The following HMGB1 variants were observed in gnomAD, a reference collection of about 807,000 sequenced individuals.
HMGB1 encodes the protein high mobility group box 1.
For missense variants in HMGB1, 79 were observed against 253.5 expected, an observed-to-expected ratio of 0.31 and a Z score of 4.67; for synonymous variants, 81 against 84.0, an observed-to-expected ratio of 0.96 and a Z score of 0.19.
intron 1 of HMGB1, among the ~76,000 whole-genome samples, chr13:30,493,320 CA>C (rs1887540613): frequency 2.0e-5 from 3 of 152,174 alleles, no homozygotes; most frequent in African/African-American, 7.2e-5. Context: ...TGAAATAAGT[CA>C]GACCTCCTCA....
chr13:30,587,387 G>A (rs894238096), intron 1 of HMGB1, among the ~76,000 whole-genome samples: 114 of 152,274 alleles, frequency 7.5e-4, no homozygotes, highest in African/African-American at 2.6e-3. Context: ...CTATTTGCAG[G>A]CATGACCACA....
chr13:30,521,556 C>A (rs1888239252), intron 1 of HMGB1, among the ~76,000 whole-genome samples: 1 of 152,046 alleles, frequency 6.6e-6, no homozygotes, highest in South Asian at 2.1e-4. Flanking sequence ...CCTTCATATC[C>A]TTTTATTGTT....
rs1444124351 is a variant in HMGB1 at position 30,464,085 on chromosome 13, C to CTAG, written c.-14-392_-14-391insCTA. Reference sequence around the variant, plus strand: ...AACATGCTGCCAATTCGTGGCTTTGCACTAGATAGGGAATAAACAAGGGCC... The same window carrying CTAG: ...AACATGCTGCCAATTCGTGGCTTTGCTAGACTAGATAGGGAATAAACAAGGGCC... On this transcript the variant is annotated intron_variant, in intron 1 of 4. Transcript: ENST00000341423. 5 of 985,994 alleles carry CTAG rather than the reference C, an allele frequency of 5.1e-6. No individual in the cohort carries two copies. In the Admixed American group the frequency reaches 3.0e-4, roughly 60 times the overall value. The allele number at this position is 985,994 out of a possible 1,614,324, so 61.1% of individuals were successfully genotyped here.
At chr13:30,577,360 A>T (rs1040686514) in intron 1 of HMGB1, among the ~76,000 whole-genome samples, 1 of 139,970 alleles carries the variant, frequency 7.1e-6, no homozygotes, top group Non-Finnish European at 1.5e-5. Context: ...AAAAAAAAAA[A>T]GGCCATATAT....
chr13:30,565,894 A>G (rs1301875868), intron 1 of HMGB1, among the ~76,000 whole-genome samples: 6 of 152,240 alleles, frequency 3.9e-5, no homozygotes, highest in Non-Finnish European at 8.8e-5. Flanking sequence ...GGTCAACCAG[A>G]AAATTCTTTC....
intron 1 of HMGB1, among the ~76,000 whole-genome samples, chr13:30,508,265 G>A (rs566961310): frequency 1.3e-5 from 2 of 152,158 alleles, no homozygotes; most frequent in East Asian, 1.9e-4. Flanking sequence ...TAATCTCAGC[G>A]CTTTGGGAGG....
chr13:30,465,094 T>G, intron 1 of HMGB1: 1 of 920,766 alleles, frequency 1.1e-6, no homozygotes, highest in Non-Finnish European at 1.3e-6. Flanking sequence ...TGCGCCCAGC[T>G]CCCCCGCCCG....
At chr13:30,469,911 G>A (rs546265976), upstream of HMGB1, among the ~76,000 whole-genome samples, 2 of 152,364 alleles carry the variant, frequency 1.3e-5, no homozygotes, top group Admixed American at 1.3e-4. Context: ...TTACAGGCAT[G>A]AGCCACTGTG....
intron 1 of HMGB1, among the ~76,000 whole-genome samples, chr13:30,552,438 T>C (rs1050180195): frequency 1.3e-5 from 2 of 152,212 alleles, no homozygotes; most frequent in African/African-American, 2.4e-5. Context: ...TTCTCCTCAG[T>C]TGGCTGACTT....
intron 1 of HMGB1, among the ~76,000 whole-genome samples, chr13:30,499,818 T>C (rs1887694146): frequency 6.6e-6 from 1 of 152,194 alleles, no homozygotes; most frequent in Non-Finnish European, 1.5e-5. Context: ...CTGAATTCAA[T>C]TAAACAAAAC....
At chr13:30,502,498 A>G (rs1451514476) in intron 1 of HMGB1, among the ~76,000 whole-genome samples, 1 of 152,158 alleles carries the variant, frequency 6.6e-6, no homozygotes, top group Non-Finnish European at 1.5e-5. Flanking sequence ...GGATTTTAAA[A>G]CCAGTTTTAT....
At chr13:30,472,844 T>C (rs1048740433) in intron 1 of HMGB1, among the ~76,000 whole-genome samples, 5 of 119,782 alleles carry the variant, frequency 4.2e-5, no homozygotes, top group African/African-American at 1.3e-4. Context: ...GGATCACACA[T>C]ACTGAAAACT....
intron 1 of HMGB1, among the ~76,000 whole-genome samples, chr13:30,535,217 G>A (rs1013935058): frequency 6.6e-6 from 1 of 152,232 alleles, no homozygotes; most frequent in Non-Finnish European, 1.5e-5. Flanking sequence ...AGCAGCACTT[G>A]ATGGAGTTCA....
intron 1 of HMGB1, among the ~76,000 whole-genome samples, chr13:30,563,613 C>CA (rs1015951497): frequency 6.6e-5 from 10 of 152,130 alleles, no homozygotes; most frequent in South Asian, 6.2e-4. Context: ...GACTCTGTCT[C>CA]AAAAAAATAC....
chr13:30,538,584 CT>C (rs1160978672), intron 1 of HMGB1, among the ~76,000 whole-genome samples: 1 of 106,830 alleles, frequency 9.4e-6, no homozygotes, highest in East Asian at 2.7e-4. Context: ...TTCTTTCTTT[CT>C]TTTTCTTTCT....
At chr13:30,558,727 C>T (rs1432804533) in intron 1 of HMGB1, among the ~76,000 whole-genome samples, 3 of 152,186 alleles carry the variant, frequency 2.0e-5, no homozygotes, top group Admixed American at 2.0e-4. Context: ...TGTTGATCCT[C>T]AAAACCCCAG....
At chr13:30,542,284 C>T in intron 1 of HMGB1, 1 of 178,216 alleles carries the variant, frequency 5.6e-6, no homozygotes, top group Non-Finnish European at 1.2e-5. Context: ...CCAGTGAGGG[C>T]CTGCATCAGG....
chr13:30,482,479 T>C (rs1427624297), intron 1 of HMGB1, among the ~76,000 whole-genome samples: 1 of 152,192 alleles, frequency 6.6e-6, no homozygotes, highest in African/African-American at 2.4e-5. Flanking sequence ...ATAAATACTT[T>C]ACCTCATTAT....
chr13:30,597,633 T>C (rs1298659867), intron 1 of HMGB1, among the ~76,000 whole-genome samples: 1 of 152,202 alleles, frequency 6.6e-6, no homozygotes, highest in Non-Finnish European at 1.5e-5. Context: ...CAGTTGAAGA[T>C]ACAAACAGAC....
Sources: allele counts gnomAD v4.1 joint callset (sites outside exome capture counted in the v4.1 genomes callset), GRCh38; gene constraint gnomAD v4.1.1; transcripts MANE v1.5; gene names NCBI Gene and HGNC (gene_info 2026-07-23, HGNC 2026-07-21).